Variants in ST18 observed in about 807,000 individuals in gnomAD.
The protein encoded by ST18 is ST18 C2H2C-type zinc finger transcription factor.
A neutral mutation model predicts 110.0 loss-of-function variants in ST18; 50 were observed. That is an observed-to-expected ratio of 0.45 (90% CI 0.36 to 0.58). The LOEUF (loss-of-function observed/expected upper bound fraction) is 0.58, where lower values mean the gene tolerates loss of function less well. Among genes scored for constraint, ST18 ranks in the 20% least tolerant of loss-of-function variants. ST18 has a pLI of 0.00. For missense variants in ST18, 1,306 were observed against 1,280.1 expected, an observed-to-expected ratio of 1.02 and a Z score of -0.31; for synonymous variants, 461 against 452.4, an observed-to-expected ratio of 1.02 and a Z score of -0.24.
chr8:52,288,791 A>G (rs2095509775), intron 2 of ST18, among the ~76,000 whole-genome samples: 1 of 152,182 alleles, frequency 6.6e-6, no homozygotes, highest in African/African-American at 2.4e-5. Flanking sequence ...TTGACCCACA[A>G]ACATCAAAAA....
chr8:52,388,821 G>T lies in ST18; in HGVS notation c.-465+20507C>A, dbSNP rs536392782. ...CACACTCCGGGGACTGTTGTGGGGTGGGGGGAGGGGGGAGGGATAGCTTTA... is the reference window on the plus strand; with the variant it reads ...CACACTCCGGGGACTGTTGTGGGGTTGGGGGAGGGGGGAGGGATAGCTTTA... On this transcript the variant is annotated intron_variant, in intron 2 of 25. Transcript: ENST00000689386. Among the ~76,000 whole-genome samples the T allele has an allele frequency of 1.1e-4, 14 of 127,126 alleles. 1 individual carries two copies. The highest frequency in any genetic ancestry group is 4.8e-4 in the East Asian group (2 of 4,198). 83.4% of individuals were successfully genotyped at this position (127,126 alleles called of 152,430 possible). A position where few individuals can be genotyped will look rare whatever the true frequency, so the allele number is the denominator to read the frequency against.
intron 2 of ST18, among the ~76,000 whole-genome samples, chr8:52,375,002 C>T (rs1042502876): frequency 6.6e-6 from 1 of 152,166 alleles, no homozygotes; most frequent in African/African-American, 2.4e-5. Context: ...GATATTTCCT[C>T]CTCATGTGTT....
chr8:52,330,752 G>A (rs1280693842), intron 2 of ST18, among the ~76,000 whole-genome samples: 3 of 152,222 alleles, frequency 2.0e-5, no homozygotes, highest in African/African-American at 7.2e-5. Flanking sequence ...TTTACCTTAC[G>A]TGAACACTGT....
chr8:52,187,714 G>A (rs1012812041), intron 8 of ST18, among the ~76,000 whole-genome samples: 1 of 152,132 alleles, frequency 6.6e-6, no homozygotes, highest in African/African-American at 2.4e-5. Flanking sequence ...ATTAAAGAGA[G>A]GTGATCCTTT....
At chr8:52,325,485 G>A (rs1805893999) in intron 2 of ST18, among the ~76,000 whole-genome samples, 1 of 152,056 alleles carries the variant, frequency 6.6e-6, no homozygotes, top group Admixed American at 6.6e-5. Context: ...CCATATCTAA[G>A]AATGACATAT....
chr8:52,374,204 G>C (rs1008295693), intron 2 of ST18, among the ~76,000 whole-genome samples: 1 of 152,134 alleles, frequency 6.6e-6, no homozygotes, highest in African/African-American at 2.4e-5. Flanking sequence ...GTTGAAATAA[G>C]GTCCTACTAC....
chr8:52,158,883 C>T lies in ST18; in HGVS notation c.1806+15G>A. On this transcript the variant is annotated intron_variant, in intron 15 of 25. Transcript: ENST00000689386. ...CAGTCGCTGGCCCACCCTCCGGGCT[C>T]TTGGACTGGCCTACCTTGGCATGCA... 1 of 1,613,912 alleles carries T rather than the reference C, an allele frequency of 6.2e-7. No individual in the cohort carries two copies. Among genetic ancestry groups the T allele is most frequent in the East Asian group, 2.2e-5 (1 of 44,870 alleles).
chr8:52,318,726 T>C (rs892798424), intron 2 of ST18, among the ~76,000 whole-genome samples: 1 of 152,102 alleles, frequency 6.6e-6, no homozygotes, highest in African/African-American at 2.4e-5. Context: ...GTGGTACATA[T>C]ACACCATGGA....
intron 2 of ST18, among the ~76,000 whole-genome samples, chr8:52,374,482 C>A (rs1451154366): frequency 1.3e-5 from 2 of 152,178 alleles, no homozygotes; most frequent in Non-Finnish European, 2.9e-5. Context: ...ATGAGAAAAT[C>A]AATTTCCATT....
chr8:52,148,450 G>A (rs960044798), intron 16 of ST18, among the ~76,000 whole-genome samples: 25 of 152,310 alleles, frequency 1.6e-4, no homozygotes, highest in African/African-American at 6.0e-4. Context: ...GCCACCTGAT[G>A]CAGTTAGCCA....
chr8:52,362,617 T>A (rs970761800), intron 2 of ST18, among the ~76,000 whole-genome samples: 1 of 152,194 alleles, frequency 6.6e-6, no homozygotes, highest in African/African-American at 2.4e-5. Context: ...TAGATATAAT[T>A]ATATAATACA....
At chr8:52,188,612 A>T (rs1012029672) in intron 8 of ST18, among the ~76,000 whole-genome samples, 35 of 152,200 alleles carry the variant, frequency 2.3e-4, no homozygotes, top group African/African-American at 8.2e-4. Context: ...TTTTAGGAGG[A>T]CTATTCTGGC....
chr8:52,377,290 T>G (rs2140758560), intron 2 of ST18, among the ~76,000 whole-genome samples: 1 of 152,336 alleles, frequency 6.6e-6, no homozygotes, highest in South Asian at 2.1e-4. Context: ...TTTTCTGGTG[T>G]TTATGCTTCT....
intron 2 of ST18, among the ~76,000 whole-genome samples, chr8:52,386,888 G>T: frequency 6.6e-6 from 1 of 152,110 alleles, no homozygotes; most frequent in South Asian, 2.1e-4. Context: ...TCAAATCCAC[G>T]AAAAGCTATC....
intron 2 of ST18, among the ~76,000 whole-genome samples, chr8:52,299,747 T>C (rs1382970643): frequency 1.3e-5 from 2 of 152,224 alleles, no homozygotes; most frequent in African/African-American, 2.4e-5. Context: ...ATTTCAGCTT[T>C]TCAACCGCAT....
intron 2 of ST18, among the ~76,000 whole-genome samples, chr8:52,284,657 A>C (rs2095439281): frequency 2.0e-5 from 3 of 152,162 alleles, no homozygotes; most frequent in Admixed American, 6.5e-5. Context: ...CAGCAGGTTC[A>C]AGAAGTCCAG....
intron 2 of ST18, among the ~76,000 whole-genome samples, chr8:52,297,546 AG>A (rs759018723): frequency 1.7e-4 from 26 of 152,234 alleles, no homozygotes; most frequent in Admixed American, 1.5e-3. Flanking sequence ...TTGCTCTGGC[AG>A]GACTAAGGTA....
At chr8:52,277,110 T>G (rs912705222) in intron 2 of ST18, among the ~76,000 whole-genome samples, 1 of 152,216 alleles carries the variant, frequency 6.6e-6, no homozygotes. Context: ...GGAGACCTCT[T>G]AGGTCAGAGA....
At chr8:52,173,000 T>C (rs1284516559) in intron 9 of ST18, among the ~76,000 whole-genome samples, 1 of 152,192 alleles carries the variant, frequency 6.6e-6, no homozygotes, top group Non-Finnish European at 1.5e-5. Context: ...AAATCAAATA[T>C]ATATAATAGT....
Sources: gnomAD v4.1 joint callset for allele counts (sites outside exome capture counted in the v4.1 genomes callset) on GRCh38, gnomAD v4.1.1 for gene constraint, MANE v1.5 for transcripts, NCBI Gene and HGNC (gene_info 2026-07-23, HGNC 2026-07-21) for gene names.